Variants in SIPA1L2 observed in about 807,000 individuals in gnomAD.
SIPA1L2 encodes signal induced proliferation associated 1 like 2, also known as signal-induced proliferation-associated 1-like protein 2.
A neutral mutation model predicts 163.9 loss-of-function variants in SIPA1L2; 56 were observed. That is an observed-to-expected ratio of 0.34 (90% CI 0.28 to 0.43). SIPA1L2 has a LOEUF of 0.43. SIPA1L2 is among the 20% of genes least tolerant of loss of function. The probability of loss-of-function intolerance (pLI) is 1.00; values close to 1 mark genes in which losing one functional copy is unlikely to be tolerated. For missense variants in SIPA1L2, 1,974 were observed against 2,193.5 expected (o/e 0.90, Z 2.00); for synonymous variants, 877 against 865.7 (o/e 1.01, Z -0.23).
At chr1:232,441,482 G>T in intron 13 of SIPA1L2, 88 bp from the exon 14 acceptor site, 2 of 1,101,464 alleles carry the variant, frequency 1.8e-6, no homozygotes, top group Non-Finnish European at 2.7e-6. Flanking sequence ...AAGTGGTTTG[G>T]TAAACATGAA....
chr1:232,581,777 T>C (rs888512238), intron 1 of SIPA1L2, among the ~76,000 whole-genome samples: 34 of 152,260 alleles, frequency 2.2e-4, no homozygotes, highest in Non-Finnish European at 1.8e-4. Context: ...GCCCTAAAGG[T>C]TCCTGCCTCT....
At position 232,514,075 on chromosome 1, in the gene SIPA1L2, C is replaced by T. The variant is rs1476917345; in HGVS notation, c.1265G>A (p.Arg422Lys). The change falls in exon 3 of 23, where the codon AGG (arginine) becomes AAG (lysine). Residue 422 changes from arginine to lysine, a missense_variant. Physicochemically the swap from Arg to Lys is conservative, Grantham distance 26. Coordinates refer to ENST00000674635, the MANE Select transcript of SIPA1L2 (RefSeq NM_020808.5). ...GTTGGCTCGAGAGAGCGCAATCCGC[C>T]TGTCGCCTTCCCCTCCAGTCTCATT... is the stretch of plus-strand genomic sequence containing the variant. The part of the protein sequence containing the change: ...FRNETGGEGD[R>K]RIALSRANSS... 6.2e-7 allele frequency: 1 copy of T among 1,614,104 alleles called. No homozygotes were observed.
In SIPA1L2 at chr1:232,517,280, C is replaced by T. The variant is rs16857523; in HGVS notation, c.-269-1672G>A. On this transcript the variant is annotated intron_variant, in intron 2 of 22. Transcript: ENST00000674635. ...ACAAACCCTACCTTCCTTTCTTTTC[C>T]GTGTCATGGCATATATTGAAATACC... 7.0e-3 allele frequency among the ~76,000 whole-genome samples: 1,065 copies of T among 152,190 alleles called. 29 individuals carry two copies. In the South Asian group the frequency reaches 0.078, roughly 11 times the overall value.
chr1:232,544,868 T>C (rs1170290778), intron 2 of SIPA1L2, among the ~76,000 whole-genome samples: 1 of 152,152 alleles, frequency 6.6e-6, no homozygotes, highest in African/African-American at 2.4e-5. Flanking sequence ...GATCCCCTCT[T>C]CTCTAAAGCA....
At chr1:232,558,236 G>A (rs990535566) in intron 2 of SIPA1L2, among the ~76,000 whole-genome samples, 1 of 152,188 alleles carries the variant, frequency 6.6e-6, no homozygotes, top group African/African-American at 2.4e-5. Context: ...TAATTAAAGA[G>A]AGTTTTGGGC....
chr1:232,428,192 GAGGTTTTA>G (rs1265817275), intron 17 of SIPA1L2, among the ~76,000 whole-genome samples: 1 of 152,098 alleles, frequency 6.6e-6, no homozygotes, highest in African/African-American at 2.4e-5. Context: ...AGCTCTATCT[GAGGTTTTA>G]AAAACAGCCT....
intron 1 of SIPA1L2, among the ~76,000 whole-genome samples, chr1:232,626,315 T>G (rs1006628308): frequency 2.6e-5 from 4 of 151,846 alleles, no homozygotes; most frequent in Non-Finnish European, 2.9e-5. Flanking sequence ...AGGTCCTTTC[T>G]GGCCCAAAGG....
At chr1:232,501,208 C>A (rs1408036751) in intron 3 of SIPA1L2, among the ~76,000 whole-genome samples, 1 of 151,848 alleles carries the variant, frequency 6.6e-6, no homozygotes, top group African/African-American at 2.4e-5. Context: ...CAGGCACCCA[C>A]CACCACACCC....
rs183021459 is a variant in SIPA1L2, at chr1:232,593,355, C to A, written c.-318-19133G>T. ...CTGGGAGAAAGGCTGGGGTGAGGAACCCGCTCAGCACGCACGGGCTGTGTG... is the reference window on the plus strand; with the variant it reads ...CTGGGAGAAAGGCTGGGGTGAGGAAACCGCTCAGCACGCACGGGCTGTGTG... On this transcript the variant is annotated intron_variant, in intron 1 of 22. Coordinates refer to ENST00000674635, the MANE Select transcript of SIPA1L2 (RefSeq NM_020808.5). Among the ~76,000 whole-genome samples the A allele has an allele frequency of 2.0e-3, 309 of 152,224 alleles. 1 individual carries two copies. The highest frequency in any genetic ancestry group is 6.4e-3 in the African/African-American group (265 of 41,518).
At chr1:232,439,696 A>T (rs1472070592) in intron 14 of SIPA1L2, among the ~76,000 whole-genome samples, 200 bp from the exon 15 acceptor site, 1 of 152,208 alleles carries the variant, frequency 6.6e-6, no homozygotes, top group Non-Finnish European at 1.5e-5. Flanking sequence ...TTCTTCCCAT[A>T]ATTTATCTAA....
chr1:232,443,177 C>T (rs1663005637), intron 12 of SIPA1L2, among the ~76,000 whole-genome samples: 1 of 152,234 alleles, frequency 6.6e-6, no homozygotes, highest in African/African-American at 2.4e-5. Context: ...CTACTGCGGA[C>T]TGGACTGCGT....
At chr1:232,590,972 T>A (rs1273813900) in intron 1 of SIPA1L2, among the ~76,000 whole-genome samples, 1 of 152,216 alleles carries the variant, frequency 6.6e-6, no homozygotes, top group African/African-American at 2.4e-5. Context: ...GGAATAAACC[T>A]TGGTCAAGTT....
rs935440179 is a variant in SIPA1L2 at position 232,574,208 on chromosome 1, C to G, written c.-304G>C. Among the ~76,000 whole-genome samples, 2 of 152,212 alleles carry G rather than the reference C, an allele frequency of 1.3e-5. No individual in the cohort carries two copies. The highest frequency in any genetic ancestry group is 1.3e-4 in the Admixed American group (2 of 15,282). ...GAAGAGCAGCGGGCTCCTGCTCACACAGCCTGGCAAGAACCTACAAATGAA... is the reference window on the plus strand; with the variant it reads ...GAAGAGCAGCGGGCTCCTGCTCACAGAGCCTGGCAAGAACCTACAAATGAA... On this transcript the variant is annotated 5_prime_UTR_variant, in exon 2 of 23. Coordinates refer to ENST00000674635, the MANE Select transcript of SIPA1L2 (RefSeq NM_020808.5).
intron 10 of SIPA1L2, among the ~76,000 whole-genome samples, chr1:232,458,930 C>T (rs1189360666): frequency 6.6e-6 from 1 of 152,136 alleles, no homozygotes; most frequent in African/African-American, 2.4e-5. Context: ...TTCAACTAGG[C>T]AGAATCAGGC....
chr1:232,423,853 C>T (rs1027704416), intron 18 of SIPA1L2, among the ~76,000 whole-genome samples: 2 of 152,106 alleles, frequency 1.3e-5, no homozygotes, highest in African/African-American at 2.4e-5. Flanking sequence ...AAGTTGAATG[C>T]TTATTACTAA....
intron 2 of SIPA1L2, among the ~76,000 whole-genome samples, chr1:232,563,997 G>GTGTGT (rs59567558): frequency 1.2e-4 from 11 of 94,660 alleles, no homozygotes; most frequent in African/African-American, 3.3e-4. Flanking sequence ...GTGTGTGTGT[G>GTGTGT]ATGGAGTTTT....
At position 232,404,150 on chromosome 1, in the gene SIPA1L2, C is replaced by T. The variant is rs535314258; in HGVS notation, c.4791G>A (p.Leu1597=). ...CTAGATAGGACGTGTGGTGACAGAGCAGCCCCAGTTCTTCATCTGAGTCAA... is the reference window on the plus strand; with the variant it reads ...CTAGATAGGACGTGTGGTGACAGAGTAGCCCCAGTTCTTCATCTGAGTCAA... ...EGLDSDEELG[L]LCHHTSYLDQ... is the part of the protein sequence containing the mutation. Residue 1597 remains leucine, a synonymous_variant, in exon 20 of 23, where the codon CTG becomes CTA. Coordinates refer to ENST00000674635, the MANE Select transcript of SIPA1L2 (RefSeq NM_020808.5). 5.0e-6 allele frequency: 8 copies of T among 1,614,110 alleles called. No homozygotes were observed. The African/African-American group carries it at 1.1e-4, about 22-fold the overall frequency.
At chr1:232,424,322 CAAAAAAAA>C (rs55961523) in intron 18 of SIPA1L2, among the ~76,000 whole-genome samples, 4 of 71,792 alleles carry the variant, frequency 5.6e-5, no homozygotes, top group South Asian at 1.1e-3. Flanking sequence ...GTGAAGCTAA[CAAAAAAAA>C]AAAAAAAAAA....
rs76228662 is a variant in SIPA1L2 at position 232,597,843 on chromosome 1, C to T, written c.-318-23621G>A. ...CAATTTCAGAGGTGGAATCAGAACC[C>T]CACACAGGAATTCCTTTTAGACAGG... is the stretch of plus-strand genomic sequence containing the variant. On this transcript the variant is annotated intron_variant, in intron 1 of 22. Coordinates refer to ENST00000674635, the MANE Select transcript of SIPA1L2 (RefSeq NM_020808.5). Among the ~76,000 whole-genome samples the T allele has an allele frequency of 7.4e-3, 1,129 of 152,122 alleles. 6 individuals are homozygous for T. Among genetic ancestry groups the T allele is most frequent in the Non-Finnish European group, 0.011 (779 of 67,998 alleles).
Sources: gnomAD v4.1 joint callset for allele counts (sites outside exome capture counted in the v4.1 genomes callset) on GRCh38, gnomAD v4.1.1 for gene constraint, MANE v1.5 for transcripts, NCBI Gene and HGNC (gene_info 2026-07-23, HGNC 2026-07-21) for gene names.